Variants in ESRRG observed in about 807,000 individuals in gnomAD.
ESRRG encodes the protein estrogen related receptor gamma.
ESRRG carries 13 observed loss-of-function variants against 44.0 expected under a neutral mutation model. The observed-to-expected ratio is 0.30, with a 90% CI of 0.19 to 0.47. The LOEUF (loss-of-function observed/expected upper bound fraction) is 0.47, where lower values mean the gene tolerates loss of function less well. Among genes scored for constraint, ESRRG ranks in the 20% least tolerant of loss-of-function variants. ESRRG has a pLI of 1.00. For synonymous variants in ESRRG, 215 were observed against 214.6 expected, an observed-to-expected ratio of 1.00 and a Z score of -0.02; for missense variants, 395 against 580.6, an observed-to-expected ratio of 0.68 and a Z score of 3.29.
chr1:216,568,138 C>A, intron 3 of ESRRG, 40 bp from the exon 4 acceptor site: 6 of 1,436,046 alleles, frequency 4.2e-6, no homozygotes, highest in Non-Finnish European at 5.9e-6. Context: ...ATTAAGGTAG[C>A]TATGTTTGAG....
At chr1:216,790,196 T>A (rs2094273121) in intron 2 of ESRRG, among the ~76,000 whole-genome samples, 2 of 152,154 alleles carry the variant, frequency 1.3e-5, no homozygotes, top group African/African-American at 4.8e-5. Flanking sequence ...GTCTGTTACA[T>A]GACAGAGAAA....
chr1:216,747,121 C>G (rs972460857), intron 2 of ESRRG, among the ~76,000 whole-genome samples: 1 of 152,074 alleles, frequency 6.6e-6, no homozygotes, highest in Non-Finnish European at 1.5e-5. Flanking sequence ...GCTTGCACAC[C>G]CCTAATCTGA....
intron 5 of ESRRG, among the ~76,000 whole-genome samples, chr1:216,545,233 T>G (rs866135636): frequency 2.0e-5 from 3 of 150,780 alleles, no homozygotes; most frequent in Middle Eastern, 6.8e-3. Context: ...TTTTTATGTT[T>G]TTTTTTTTTT....
At chr1:216,977,111 C>G (rs966787162) in intron 1 of ESRRG, among the ~76,000 whole-genome samples, 2 of 152,026 alleles carry the variant, frequency 1.3e-5, no homozygotes, top group African/African-American at 4.8e-5. Context: ...TTGGAGAAAT[C>G]CTGGGAGTCT....
chr1:216,673,482 G>C (rs189757058), intron 2 of ESRRG, among the ~76,000 whole-genome samples: 20 of 152,318 alleles, frequency 1.3e-4, no homozygotes, highest in Admixed American at 2.6e-4. Context: ...TCTGGACAGT[G>C]ACATCTCTGT....
intron 2 of ESRRG, among the ~76,000 whole-genome samples, chr1:216,827,818 T>TGGGAA (rs548456197): frequency 8.5e-4 from 129 of 152,172 alleles, no homozygotes; most frequent in African/African-American, 3.0e-3. Flanking sequence ...ACAAGTTAAA[T>TGGGAA]GGGAAGGGAA....
intron 1 of ESRRG, among the ~76,000 whole-genome samples, chr1:216,697,185 C>A (rs761200251): frequency 1.2e-4 from 18 of 152,052 alleles, no homozygotes; most frequent in Non-Finnish European, 2.6e-4. Flanking sequence ...AGGCTGATCT[C>A]AAACTCCTGA....
intron 2 of ESRRG, among the ~76,000 whole-genome samples, chr1:216,915,528 C>A (rs2061050299): frequency 6.6e-6 from 1 of 151,990 alleles, no homozygotes; most frequent in Non-Finnish European, 1.5e-5. Flanking sequence ...TGCATTCATA[C>A]AAAATCAAAT....
intron 2 of ESRRG, among the ~76,000 whole-genome samples, chr1:216,843,638 C>G (rs190066208): frequency 6.6e-6 from 1 of 152,078 alleles, no homozygotes; most frequent in South Asian, 2.1e-4. Flanking sequence ...TGCAATCATC[C>G]GGCAAGCAAG....
At position 217,087,540 on chromosome 1, in the gene ESRRG, A is replaced by G. The variant is rs2092150347; in HGVS notation, c.-106+1967T>C. Among the ~76,000 whole-genome samples the G allele has an allele frequency of 2.0e-5, 3 of 152,144 alleles. No individual in the cohort carries two copies. The South Asian group carries it at 6.2e-4, about 32-fold the overall frequency. ...ATTTTGTTAAAGCAACACCCATCAC[A>G]AACTCCCCTGGCTCCCCAGGCAATT... On this transcript the variant is annotated intron_variant, in intron 1 of 7. Transcript: ENST00000359162.
At chr1:216,722,013 ACACT>A (rs1018367593) in intron 1 of ESRRG, among the ~76,000 whole-genome samples, 3 of 152,226 alleles carry the variant, frequency 2.0e-5, no homozygotes, top group African/African-American at 4.8e-5. Context: ...ATACACACAC[ACACT>A]CACACTCACG....
intron 1 of ESRRG, among the ~76,000 whole-genome samples, chr1:217,111,984 A>G (rs986017255): frequency 6.6e-6 from 1 of 152,150 alleles, no homozygotes; most frequent in Admixed American, 6.6e-5. Context: ...AGCCAATGCC[A>G]CAGAGAGAAG....
chr1:216,841,430 G>A (rs2095651889), intron 2 of ESRRG, among the ~76,000 whole-genome samples: 1 of 152,098 alleles, frequency 6.6e-6, no homozygotes, highest in South Asian at 2.1e-4. Context: ...CTTGTCCTGA[G>A]GGATTTTACA....
intron 1 of ESRRG, among the ~76,000 whole-genome samples, chr1:216,678,079 T>C (rs2076416034): frequency 6.6e-6 from 1 of 152,242 alleles, no homozygotes; most frequent in Admixed American, 6.5e-5. Context: ...TGTGTCTTAT[T>C]GATCTGACTA....
intron 1 of ESRRG, among the ~76,000 whole-genome samples, chr1:217,085,481 A>ATTTTTTTTTTTTTTTT (rs148354268): frequency 4.1e-5 from 2 of 49,130 alleles, no homozygotes; most frequent in African/African-American, 1.8e-4. Context: ...TTTTCTTTTC[A>ATTTTTTTTTTTTTTTT]TTTTTTTTTT....
intron 2 of ESRRG, among the ~76,000 whole-genome samples, chr1:216,767,566 T>TATG (rs1334684941): frequency 6.6e-5 from 10 of 152,164 alleles, no homozygotes; most frequent in African/African-American, 2.4e-4. Context: ...CTTTAAGCCT[T>TATG]TGATTGCTAC....
intron 3 of ESRRG, among the ~76,000 whole-genome samples, chr1:216,615,156 G>C (rs1226270169): frequency 1.3e-5 from 2 of 152,146 alleles, no homozygotes; most frequent in Non-Finnish European, 2.9e-5. Context: ...TCACATTTCA[G>C]AACAGGCATT....
chr1:217,130,396 C>T (rs1018449620), intron 1 of ESRRG, among the ~76,000 whole-genome samples: 1 of 152,082 alleles, frequency 6.6e-6, no homozygotes, highest in Non-Finnish European at 1.5e-5. Context: ...CCATGCCTGG[C>T]TAATTTTTCT....
chr1:216,754,702 CTTTTT>C (rs202242433), intron 2 of ESRRG, among the ~76,000 whole-genome samples: 69 of 121,334 alleles, frequency 5.7e-4, no homozygotes, highest in African/African-American at 1.3e-3. Flanking sequence ...AGAGAAAGAA[CTTTTT>C]TTTTTTTTTT....
Sources: gnomAD v4.1 joint callset for allele counts (sites outside exome capture counted in the v4.1 genomes callset) on GRCh38, gnomAD v4.1.1 for gene constraint, MANE v1.5 for transcripts, NCBI Gene and HGNC (gene_info 2026-07-23, HGNC 2026-07-21) for gene names.